The following RIN3 variants were observed in gnomAD, a reference collection of about 807,000 sequenced individuals.
RIN3 encodes the protein Ras and Rab interactor 3.
Under a neutral mutation model 76.3 loss-of-function variants are expected in RIN3, and 54 were observed. The ratio of observed to expected loss-of-function variants is 0.71; its 90% confidence interval spans 0.57 to 0.89. The LOEUF is 0.89. RIN3 is among the 40% of genes least tolerant of loss of function. The pLI is 0.00. For synonymous variants in RIN3, 576 were observed against 564.0 expected (o/e 1.02, Z -0.30); for missense variants, 1,256 against 1,322.1 (o/e 0.95, Z 0.78).
chr14:92,656,518 G>A lies in RIN3; in HGVS notation c.2027-2643G>A, dbSNP rs376620876. Among the ~76,000 whole-genome samples, 2 of 152,338 alleles carry A rather than the reference G, an allele frequency of 1.3e-5. No individual in the cohort carries two copies. The highest frequency in any genetic ancestry group is 2.1e-4 in the South Asian group (1 of 4,830). On this transcript the variant is annotated intron_variant, in intron 6 of 9. Transcript: ENST00000216487. This position sits in a 1 kb window ranked among gnomAD's most constrained non-coding sequence, Gnocchi z 5.2. ...CAGCAGGAATGACTTCAGCCTTGGG[G>A]CAGCTGGCTGGCAGGATGCAGACAC...
chr14:92,520,012 G>A (rs1397725167), intron 1 of RIN3, among the ~76,000 whole-genome samples: 1 of 152,200 alleles, frequency 6.6e-6, no homozygotes, highest in Non-Finnish European at 1.5e-5. Context: ...GTAGGGGTTG[G>A]AGGGACTGCC....
Position 92,514,623 on chromosome 14 carries a change from C to A in RIN3, c.44+647C>A, listed in dbSNP as rs536942019. Among the ~76,000 whole-genome samples the A allele has an allele frequency of 6.6e-6, 1 of 152,360 alleles. No individual in the cohort carries two copies. Among genetic ancestry groups the A allele is most frequent in the South Asian group, 2.1e-4 (1 of 4,830 alleles). On this transcript the variant is annotated intron_variant, in intron 1 of 9. Transcript: ENST00000216487. The surrounding 1 kb of genome is among the most constrained non-coding windows in gnomAD (Gnocchi z 7.2). Reference sequence around the variant, plus strand: ...TAGGGTCCAGGGCGCACGGGCTGCGCGCGGGCTGTGGATGCATGACGCCGA... The same window carrying A: ...TAGGGTCCAGGGCGCACGGGCTGCGAGCGGGCTGTGGATGCATGACGCCGA...
intron 2 of RIN3, among the ~76,000 whole-genome samples, chr14:92,573,364 C>T (rs1898118380): frequency 6.6e-6 from 1 of 152,206 alleles, no homozygotes; most frequent in Admixed American, 6.5e-5. Context: ...CTGGGTGCAT[C>T]TTCCTCCCAG....
intron 3 of RIN3, among the ~76,000 whole-genome samples, chr14:92,587,726 T>A (rs980206599): frequency 2.0e-5 from 3 of 151,798 alleles, no homozygotes; most frequent in African/African-American, 7.3e-5. Flanking sequence ...TGACTGCAAG[T>A]GGGGTCAGGG....
intron 3 of RIN3, among the ~76,000 whole-genome samples, chr14:92,611,350 G>A (rs528791520): frequency 4.6e-5 from 7 of 152,114 alleles, no homozygotes; most frequent in African/African-American, 1.4e-4. Flanking sequence ...GCAGTGGCAC[G>A]ATCTCACCTC....
In RIN3 at chr14:92,592,925, C is replaced by T. The variant is rs187661083; in HGVS notation, c.367+15448C>T. On this transcript the variant is annotated intron_variant, in intron 3 of 9. Transcript: ENST00000216487. ...CTGACCTCAGATGATCCACCTGCCT[C>T]GGCCTCCCAAAGTGCTGGGATTACA... Among the ~76,000 whole-genome samples, 983 of 152,072 alleles carry T rather than the reference C, an allele frequency of 6.5e-3. 3 individuals are homozygous for T. Among genetic ancestry groups the T allele is most frequent in the Admixed American group, 0.01 (156 of 15,280 alleles).
intron 3 of RIN3, among the ~76,000 whole-genome samples, chr14:92,590,880 G>A (rs563201111): frequency 9.1e-4 from 139 of 152,228 alleles, no homozygotes; most frequent in African/African-American, 3.0e-3. Context: ...TATCACTAAA[G>A]GCCTGTTTAT....
chr14:92,635,406 C>A (rs999592412), intron 4 of RIN3, among the ~76,000 whole-genome samples: 3 of 152,172 alleles, frequency 2.0e-5, no homozygotes, highest in African/African-American at 7.2e-5. Context: ...TAGCTTGGGA[C>A]CATTTACTTC....
At chr14:92,547,007 ATT>A (rs1354653013) in intron 1 of RIN3, among the ~76,000 whole-genome samples, 9 of 70,288 alleles carry the variant, frequency 1.3e-4, no homozygotes, top group East Asian at 3.8e-4. Flanking sequence ...TTATTATTTT[ATT>A]TTATTATTAA....
At position 92,579,968 on chromosome 14, in the gene RIN3, A is replaced by G. The variant is rs564392059; in HGVS notation, c.367+2491A>G. On this transcript the variant is annotated intron_variant, in intron 3 of 9. Coordinates refer to ENST00000216487, the MANE Select transcript of RIN3 (RefSeq NM_024832.5). ...TCCTGAAGGTGAGTATATTAGTTCAATTGAAGGTTAATCTTCTAGCCCTAG... is the reference window on the plus strand; with the variant it reads ...TCCTGAAGGTGAGTATATTAGTTCAGTTGAAGGTTAATCTTCTAGCCCTAG... 7.2e-5 allele frequency among the ~76,000 whole-genome samples: 11 copies of G among 152,380 alleles called. No individual in the cohort carries two copies. In the East Asian group the frequency reaches 1.5e-3, roughly 21 times the overall value.
At chr14:92,543,148 C>T (rs542792968) in intron 1 of RIN3, among the ~76,000 whole-genome samples, 1 of 152,284 alleles carries the variant, frequency 6.6e-6, no homozygotes, top group East Asian at 1.9e-4. Flanking sequence ...AGTTGACAAA[C>T]CTTCCCTCTG....
chr14:92,687,573 C>A, intron 9 of RIN3: 1 of 321,606 alleles, frequency 3.1e-6, no homozygotes, highest in Non-Finnish European at 5.8e-6. Flanking sequence ...CAGCATTGCG[C>A]CTGGGGTGCA....
intron 3 of RIN3, among the ~76,000 whole-genome samples, chr14:92,577,834 C>T (rs954981428): frequency 6.6e-6 from 1 of 152,230 alleles, no homozygotes; most frequent in Non-Finnish European, 1.5e-5. Context: ...ACACTCAATC[C>T]ATGATTGCAG....
chr14:92,687,554 C>T (rs1888908222), intron 9 of RIN3: 1 of 284,832 alleles, frequency 3.5e-6, no homozygotes, highest in African/African-American at 2.3e-5. Context: ...CTGTGCTGCC[C>T]TCCGTGCCCA....
chr14:92,577,485 C>T lies in RIN3; in HGVS notation c.367+8C>T. ...TTAAGGAAGAAAAGTCGAGTAAGTA[C>T]CCATCTTCTCTGTTTTCACTTTGAC... On this transcript the variant is annotated splice_region_variant and intron_variant, in intron 3 of 9. Transcript: ENST00000216487. The T allele has an allele frequency of 6.4e-7, 1 of 1,572,798 alleles. No individual in the cohort carries two copies. Among genetic ancestry groups the T allele is most frequent in the South Asian group, 1.1e-5 (1 of 89,974 alleles).
intron 1 of RIN3, among the ~76,000 whole-genome samples, chr14:92,536,172 C>G (rs954669848): frequency 6.6e-6 from 1 of 152,182 alleles, no homozygotes; most frequent in Admixed American, 6.5e-5. Flanking sequence ...ACTAATACCC[C>G]CTCTTCAAGT....
intron 4 of RIN3, among the ~76,000 whole-genome samples, chr14:92,640,271 T>C (rs113769196): frequency 1.4e-4 from 16 of 117,558 alleles, no homozygotes; most frequent in South Asian, 3.2e-4. Flanking sequence ...CCTGACTGTG[T>C]GTTTGCTGGG....
chr14:92,658,625 G>C (rs1474582975), intron 6 of RIN3, among the ~76,000 whole-genome samples: 1 of 152,134 alleles, frequency 6.6e-6, no homozygotes. Flanking sequence ...CTGGGCAAGA[G>C]ATGATGGTGG....
chr14:92,651,892 AC>A lies in RIN3; in HGVS notation c.848del (p.Pro283LeufsTer56). ...CCAGGTGGGCCCCACGCCGCCCACC[AC>A]CCCCTCCCCCAGTGCTGCCCCTGCA... Reference protein sequence around the residue: ...TSRWAPRRPPPPPPVLPLQPC... With the variant: ...TSRWAPRRPPXPPPVLPLQPC... On this transcript the variant is annotated frameshift_variant, in exon 6 of 10. Coordinates refer to ENST00000216487, the MANE Select transcript of RIN3 (RefSeq NM_024832.5). LOFTEE classifies it high-confidence loss of function. 1.1e-6 allele frequency: 1 copy of A among 921,238 alleles called. No individual in the cohort carries two copies. The highest frequency in any genetic ancestry group is 1.4e-6 in the Non-Finnish European group (1 of 697,228). The allele number at this position is 921,238 out of a possible 1,614,324, so 57.1% of individuals were successfully genotyped here. A position where few individuals can be genotyped will look rare whatever the true frequency, so the allele number is the denominator to read the frequency against.
Sources: allele counts gnomAD v4.1 joint callset (sites outside exome capture counted in the v4.1 genomes callset), GRCh38; gene constraint gnomAD v4.1.1; non-coding constraint Gnocchi (gnomAD v3.1); transcripts MANE v1.5; gene names NCBI Gene and HGNC (gene_info 2026-07-23, HGNC 2026-07-21).